FAF1: variants seen among roughly 807,000 people sequenced by gnomAD.
The protein encoded by FAF1 is FAS-associated factor 1.
A neutral mutation model predicts 92.5 loss-of-function variants in FAF1; 25 were observed. That is an observed-to-expected ratio of 0.27 (90% CI 0.20 to 0.38). FAF1 has a LOEUF of 0.38. Ranked by LOEUF, FAF1 falls within the 10% of genes least tolerant of loss-of-function variation. FAF1 has a pLI of 1.00. For missense variants in FAF1, 636 were observed against 793.3 expected, an observed-to-expected ratio of 0.80 and a Z score of 2.38; for synonymous variants, 234 against 273.2, an observed-to-expected ratio of 0.86 and a Z score of 1.42.
intron 6 of FAF1, among the ~76,000 whole-genome samples, chr1:50,727,463 T>A (rs1463229921): frequency 1.3e-5 from 2 of 152,198 alleles, no homozygotes; most frequent in Non-Finnish European, 2.9e-5. Context: ...CTTTACAATA[T>A]TCGTTCCACA....
rs1348437297 is a variant in FAF1 at position 50,583,814 on chromosome 1, T to C, written c.968-99A>G. On this transcript the variant is annotated intron_variant, in intron 10 of 18. Coordinates refer to ENST00000396153, the MANE Select transcript of FAF1 (RefSeq NM_007051.3). This position sits in a 1 kb window ranked among gnomAD's most constrained non-coding sequence, Gnocchi z 4.2. ...TCTAATCCCACATATAAGAAATATA[T>C]TCAATCAATAAAGAGGAAATAAAAT... 7 of 626,394 alleles carry C rather than the reference T, an allele frequency of 1.1e-5. No individual in the cohort carries two copies. Among genetic ancestry groups the C allele is most frequent in the Non-Finnish European group, 1.9e-5 (7 of 371,372 alleles). The allele number at this position is 626,394 out of a possible 1,614,324, so 38.8% of individuals were successfully genotyped here. A position where few individuals can be genotyped will look rare whatever the true frequency, so the allele number is the denominator to read the frequency against.
At chr1:50,619,801 T>G (rs1014311744) in intron 8 of FAF1, among the ~76,000 whole-genome samples, 7 of 152,166 alleles carry the variant, frequency 4.6e-5, no homozygotes, top group Non-Finnish European at 8.8e-5. Context: ...GTAGTGAGAT[T>G]AGGGAAATTT....
intron 13 of FAF1, among the ~76,000 whole-genome samples, chr1:50,555,064 T>A (rs535495212): frequency 7.7e-4 from 116 of 151,342 alleles, no homozygotes; most frequent in African/African-American, 2.5e-3. Flanking sequence ...AAAAAAAAAA[T>A]AATAATAGCT....
chr1:50,834,874 T>G (rs1404326129), intron 2 of FAF1, among the ~76,000 whole-genome samples: 1 of 152,148 alleles, frequency 6.6e-6, no homozygotes, highest in Admixed American at 6.5e-5. Context: ...AACAGATGTA[T>G]GCACACGGCA....
At chr1:50,459,852 T>A (rs1033537147) in intron 18 of FAF1, among the ~76,000 whole-genome samples, 1 of 152,230 alleles carries the variant, frequency 6.6e-6, no homozygotes, top group African/African-American at 2.4e-5. Flanking sequence ...GCTAGGTCAA[T>A]TTGTATAAGC....
At chr1:50,746,272 A>T (rs1301200562) in intron 4 of FAF1, among the ~76,000 whole-genome samples, 5 of 18,700 alleles carry the variant, frequency 2.7e-4, no homozygotes, top group Non-Finnish European at 3.8e-4. Context: ...ATATATATAT[A>T]TATATATATA....
At position 50,503,437 on chromosome 1, in the gene FAF1, G is replaced by C. The variant is rs1293924432; in HGVS notation, c.1495-11636C>G. ...GTTTGAGAACAGCCTAGGCAACACA[G>C]CAAGACCCCTGACTCTACCAAAAAT... is the stretch of plus-strand genomic sequence containing the variant. On this transcript the variant is annotated intron_variant, in intron 15 of 18. Coordinates refer to ENST00000396153, the MANE Select transcript of FAF1 (RefSeq NM_007051.3). Among the ~76,000 whole-genome samples, 3 of 152,090 alleles carry C rather than the reference G, an allele frequency of 2.0e-5. No homozygotes were observed. The East Asian group carries it at 5.8e-4, about 29-fold the overall frequency.
intron 4 of FAF1, among the ~76,000 whole-genome samples, chr1:50,776,429 T>C (rs1660963371): frequency 1.3e-5 from 2 of 152,196 alleles, no homozygotes; most frequent in African/African-American, 2.4e-5. Flanking sequence ...TCATGTTATA[T>C]GGTTTCTCTC....
chr1:50,705,025 TTAG>T (rs950977773), intron 7 of FAF1, among the ~76,000 whole-genome samples: 6 of 152,096 alleles, frequency 3.9e-5, no homozygotes, highest in African/African-American at 1.4e-4. Flanking sequence ...TTTAGAAAAA[TTAG>T]TAGACAAATG....
At chr1:50,936,575 A>G (rs1272409347) in intron 1 of FAF1, among the ~76,000 whole-genome samples, 1 of 152,196 alleles carries the variant, frequency 6.6e-6, no homozygotes. Context: ...AATTACAAGG[A>G]GCTTTGTTAG....
At chr1:50,549,222 T>C (rs906794691) in intron 13 of FAF1, among the ~76,000 whole-genome samples, 1 of 152,218 alleles carries the variant, frequency 6.6e-6, no homozygotes, top group Non-Finnish European at 1.5e-5. Flanking sequence ...AAAGTATATG[T>C]ATCTCTACTT....
At chr1:50,564,300 C>A (rs942770304) in intron 13 of FAF1, among the ~76,000 whole-genome samples, 6 of 138,502 alleles carry the variant, frequency 4.3e-5, no homozygotes, top group Non-Finnish European at 1.0e-4. Flanking sequence ...ATTTTTATGG[C>A]CTGTCTGAAC....
At chr1:50,640,110 G>T (rs951122902) in intron 8 of FAF1, among the ~76,000 whole-genome samples, 9 of 151,920 alleles carry the variant, frequency 5.9e-5, no homozygotes, top group Non-Finnish European at 1.0e-4. Flanking sequence ...TTTCATAAAG[G>T]ATATTGGTCT....
At chr1:50,802,385 C>T (rs1441766725) in intron 2 of FAF1, among the ~76,000 whole-genome samples, 4 of 152,180 alleles carry the variant, frequency 2.6e-5, no homozygotes, top group South Asian at 2.1e-4. Context: ...CCACCGCGCC[C>T]GGCCATTATA....
chr1:50,497,858 T>G (rs1646920267), intron 15 of FAF1, among the ~76,000 whole-genome samples: 1 of 151,994 alleles, frequency 6.6e-6, no homozygotes, highest in Non-Finnish European at 1.5e-5. Context: ...TCAAAACTCT[T>G]TAAGAAACAA....
chr1:50,449,676 GAC>G (rs999697725), intron 18 of FAF1, among the ~76,000 whole-genome samples: 7 of 150,894 alleles, frequency 4.6e-5, no homozygotes, highest in African/African-American at 1.7e-4. Context: ...TTTTAGTAGA[GAC>G]AAGTTTTCGC....
chr1:50,756,449 A>G (rs2124518831), intron 4 of FAF1, among the ~76,000 whole-genome samples: 1 of 150,570 alleles, frequency 6.6e-6, no homozygotes, highest in African/African-American at 2.5e-5. Flanking sequence ...AAGCCATTCA[A>G]CAAGTCTCCA....
chr1:50,669,679 A>T (rs899516797), intron 7 of FAF1, among the ~76,000 whole-genome samples: 3 of 152,254 alleles, frequency 2.0e-5, no homozygotes, highest in Non-Finnish European at 4.4e-5. Context: ...AAAATAAAGG[A>T]TAAGTAATTG....
chr1:50,770,668 C>T (rs141573398), intron 4 of FAF1, among the ~76,000 whole-genome samples: 14 of 152,268 alleles, frequency 9.2e-5, no homozygotes, highest in Admixed American at 8.5e-4. Flanking sequence ...ATGAAAATGG[C>T]CATACTGCCC....
Sources: allele counts gnomAD v4.1 joint callset (sites outside exome capture counted in the v4.1 genomes callset), GRCh38; gene constraint gnomAD v4.1.1; non-coding constraint Gnocchi (gnomAD v3.1); transcripts MANE v1.5; gene names NCBI Gene and HGNC (gene_info 2026-07-23, HGNC 2026-07-21).